The following KIF16B variants were observed in gnomAD, a reference collection of about 807,000 sequenced individuals.
KIF16B encodes kinesin family member 16B, also known as kinesin-like protein KIF16B.
Under a neutral mutation model 156.3 loss-of-function variants are expected in KIF16B, and 98 were observed. The ratio of observed to expected loss-of-function variants is 0.63; its 90% CI spans 0.53 to 0.74. KIF16B has a LOEUF of 0.74. KIF16B is among the 30% of genes least tolerant of loss of function. The pLI, the probability that KIF16B is intolerant of heterozygous loss-of-function variation, is 0.00. For synonymous variants in KIF16B, 564 were observed against 583.7 expected (o/e 0.97, Z 0.49); for missense variants, 1,421 against 1,606.5 (o/e 0.88, Z 1.97).
intron 25 of KIF16B, among the ~76,000 whole-genome samples, chr20:16,287,131 A>T (rs922086956): frequency 2.0e-5 from 3 of 152,194 alleles, no homozygotes; most frequent in Non-Finnish European, 4.4e-5. Flanking sequence ...TAGATAACCA[A>T]AATATATGGG....
intron 3 of KIF16B, among the ~76,000 whole-genome samples, chr20:16,516,178 G>A (rs1374598579): frequency 6.6e-6 from 1 of 152,192 alleles, no homozygotes; most frequent in Non-Finnish European, 1.5e-5. Context: ...ACGGGTGGCT[G>A]TAGATGAGGA....
intron 20 of KIF16B, 93 bp downstream of exon 20, chr20:16,374,164 G>T: frequency 7.8e-7 from 1 of 1,277,600 alleles, no homozygotes; most frequent in Non-Finnish European, 1.0e-6. Flanking sequence ...GCCCTTAATA[G>T]AGCCCTCCAG....
rs2064050149 is a variant in KIF16B at position 16,336,976 on chromosome 20, G to C, written c.3622-961C>G. Among the ~76,000 whole-genome samples, 3 of 152,244 alleles carry C rather than the reference G, an allele frequency of 2.0e-5. No homozygotes were observed. The South Asian group carries it at 6.2e-4, about 32-fold the overall frequency. On this transcript the variant is annotated intron_variant, in intron 23 of 25. Coordinates refer to ENST00000354981, the MANE Select transcript of KIF16B (RefSeq NM_024704.5). ...ATCTGCCCTCTCCAATCTCTTTTCT[G>C]CATGACTGAAAACAGATCTTTTAGA...
chr20:16,415,363 C>A (rs2066060722), intron 15 of KIF16B, among the ~76,000 whole-genome samples: 2 of 152,120 alleles, frequency 1.3e-5, no homozygotes, highest in Admixed American at 1.3e-4. Context: ...GTGTCAATAT[C>A]CTATTGTTCC....
chr20:16,463,950 C>T (rs1220031235), intron 12 of KIF16B, among the ~76,000 whole-genome samples: 1 of 152,158 alleles, frequency 6.6e-6, no homozygotes, highest in African/African-American at 2.4e-5. Context: ...TTTCAATCTC[C>T]TCAACTCTTC....
At chr20:16,392,598 T>A (rs2065394060) in intron 17 of KIF16B, among the ~76,000 whole-genome samples, 1 of 152,206 alleles carries the variant, frequency 6.6e-6, no homozygotes, top group African/African-American at 2.4e-5. Flanking sequence ...AGATCGCACA[T>A]GTGAAAGACA....
chr20:16,294,841 G>A (rs963809), intron 25 of KIF16B, among the ~76,000 whole-genome samples: 8,195 of 152,060 alleles, frequency 0.054, 367 homozygotes, highest in East Asian at 0.16. Flanking sequence ...CACCCTTCAC[G>A]CCCATTTATC....
chr20:16,425,700 A>G (rs1018358869), intron 15 of KIF16B, among the ~76,000 whole-genome samples: 5 of 152,182 alleles, frequency 3.3e-5, no homozygotes, highest in African/African-American at 1.2e-4. Context: ...ATCATCAGTC[A>G]CGGGACAAAT....
chr20:16,340,005 A>G lies in KIF16B; in HGVS notation c.3622-3990T>C, dbSNP rs117607907. ...TTCTTTGCTCATATGAAGCATCCTC[A>G]TAACATGTCCCATCTCACTCAGGGT... On this transcript the variant is annotated intron_variant, in intron 23 of 25. Transcript: ENST00000354981. 1.6e-4 allele frequency among the ~76,000 whole-genome samples: 25 copies of G among 152,206 alleles called. 1 individual carries two copies. The East Asian group carries it at 2.5e-3, about 15-fold the overall frequency.
intron 12 of KIF16B, among the ~76,000 whole-genome samples, chr20:16,436,362 C>T (rs1015974840): frequency 2.0e-5 from 3 of 152,116 alleles, no homozygotes; most frequent in African/African-American, 7.2e-5. Context: ...GCCCTCTCTT[C>T]CTGGGCTCCC....
rs534745999 is a variant in KIF16B, at chr20:16,457,566, C to T, written c.1303-27584G>A. Among the ~76,000 whole-genome samples the T allele has an allele frequency of 2.0e-5, 3 of 152,142 alleles. No individual in the cohort carries two copies. The East Asian group carries it at 5.8e-4, about 29-fold the overall frequency. On this transcript the variant is annotated intron_variant, in intron 12 of 25. Coordinates refer to ENST00000354981, the MANE Select transcript of KIF16B (RefSeq NM_024704.5). Reference sequence around the variant, plus strand: ...TGTTTCAGGTCTTCACCTGCCTTACCCATGAAAAGCCTGGCAGTGGCTTGT... The same window carrying T: ...TGTTTCAGGTCTTCACCTGCCTTACTCATGAAAAGCCTGGCAGTGGCTTGT...
intron 12 of KIF16B, among the ~76,000 whole-genome samples, chr20:16,478,814 T>C (rs1481720138): frequency 6.6e-6 from 1 of 152,226 alleles, no homozygotes; most frequent in Non-Finnish European, 1.5e-5. Context: ...AGCATTATCA[T>C]ATGTTTATGC....
intron 25 of KIF16B, among the ~76,000 whole-genome samples, chr20:16,302,806 T>G (rs1447430516): frequency 7.9e-5 from 12 of 152,252 alleles, no homozygotes; most frequent in African/African-American, 2.4e-4. Flanking sequence ...TCCATTTGTT[T>G]GTTGCTGGTA....
intron 4 of KIF16B, among the ~76,000 whole-genome samples, chr20:16,513,659 T>TAAA (rs10713040): frequency 8.9e-6 from 1 of 112,722 alleles, no homozygotes. Context: ...AAACTACGTT[T>TAAA]AAAAAAAAAA....
At chr20:16,375,531 G>C (rs555907916) in intron 19 of KIF16B, among the ~76,000 whole-genome samples, 1 of 151,702 alleles carries the variant, frequency 6.6e-6, no homozygotes, top group African/African-American at 2.4e-5. Context: ...CCCTTTCTGG[G>C]TTTATTGATT....
intron 1 of KIF16B, among the ~76,000 whole-genome samples, chr20:16,530,889 T>C (rs2069724068): frequency 6.6e-6 from 1 of 152,036 alleles, no homozygotes; most frequent in African/African-American, 2.4e-5. Context: ...TTTGTAGAGA[T>C]GGAGTTTTGC....
intron 10 of KIF16B, among the ~76,000 whole-genome samples, chr20:16,499,945 C>T (rs2328042): frequency 0.11 from 16,339 of 152,130 alleles, 1,093 homozygotes; most frequent in East Asian, 0.33. Flanking sequence ...TAAGTTCATA[C>T]GTTGTTAAAT....
At chr20:16,298,388 G>A (rs1308690437) in intron 25 of KIF16B, among the ~76,000 whole-genome samples, 1 of 152,186 alleles carries the variant, frequency 6.6e-6, no homozygotes, top group Non-Finnish European at 1.5e-5. Context: ...CTGACTGCAT[G>A]CAAAACTTGT....
At chr20:16,380,574 T>C (rs1331360382) in intron 18 of KIF16B, among the ~76,000 whole-genome samples, 5 of 152,254 alleles carry the variant, frequency 3.3e-5, no homozygotes, top group African/African-American at 7.2e-5. Flanking sequence ...AAAATGCTTA[T>C]GCTGTCCTCA....
Sources: allele counts gnomAD v4.1 joint callset (sites outside exome capture counted in the v4.1 genomes callset), GRCh38; gene constraint gnomAD v4.1.1; transcripts MANE v1.5; gene names NCBI Gene and HGNC (gene_info 2026-07-23, HGNC 2026-07-21).